Variants in NPEPPS observed in about 807,000 individuals in gnomAD.
NPEPPS encodes the protein aminopeptidase puromycin sensitive.
NPEPPS carries 14 observed loss-of-function variants against 115.5 expected under a neutral mutation model. That is an observed-to-expected ratio of 0.12 (90% CI 0.08 to 0.19). NPEPPS has a LOEUF of 0.19. Among genes scored for constraint, NPEPPS ranks in the 10% least tolerant of loss-of-function variants. The pLI is 1.00. For synonymous variants in NPEPPS, 285 were observed against 390.6 expected (o/e 0.73, Z 3.19); for missense variants, 523 against 1,110.8 (o/e 0.47, Z 7.52).
rs745384995 is a variant in NPEPPS, at chr17:47,619,101, G to C, written c.2496G>C (p.Lys832Asn). The C allele has an allele frequency of 1.2e-6, 2 of 1,613,868 alleles. No homozygotes were observed. The highest frequency in any genetic ancestry group is 1.7e-6 in the Non-Finnish European group (2 of 1,179,846). Reference sequence around the variant, plus strand: ...GGAAAGCTGCTTGGAAATTCATAAAGGACAACTGGGAAGAACTTTATAACC... The same window carrying C: ...GGAAAGCTGCTTGGAAATTCATAAACGACAACTGGGAAGAACTTTATAACC... ...HGRKAAWKFI[K>N]DNWEELYNRY... The change falls in exon 21 of 23, where the codon AAG (lysine) becomes AAC (asparagine). Residue 832 changes from lysine (K) to asparagine (N), a missense_variant. By Grantham distance (94) the Lys-to-Asn change is moderately conservative. Around this residue, in one of 4 missense-constraint regions of NPEPPS, gnomAD observed 372 missense variants for 542.6 expected, o/e 0.69. Coordinates refer to ENST00000322157, the MANE Select transcript of NPEPPS (RefSeq NM_006310.4).
chr17:47,580,244 T>C (rs1008353439), intron 4 of NPEPPS: 3 of 152,154 alleles, frequency 2.0e-5, no homozygotes, highest in African/African-American at 7.2e-5. Flanking sequence ...TTTTACCTGA[T>C]GTATCTTCTC....
chr17:47,596,178 ATTTAC>A, intron 12 of NPEPPS, 170 bp from the exon 13 acceptor site: 2 of 491,358 alleles, frequency 4.1e-6, no homozygotes, highest in Non-Finnish European at 7.4e-6. Flanking sequence ...TTATGATAGA[ATTTAC>A]TTAGTTGCAG....
At chr17:47,615,574 A>G (rs1914152489) in intron 19 of NPEPPS, among the ~76,000 whole-genome samples, 1 of 152,120 alleles carries the variant, frequency 6.6e-6, no homozygotes, top group Non-Finnish European at 1.5e-5. Context: ...ACCCTAAAAA[A>G]AGTTAAATTT....
At chr17:47,558,199 C>T (rs1173599870) in intron 2 of NPEPPS, among the ~76,000 whole-genome samples, 1 of 151,854 alleles carries the variant, frequency 6.6e-6, no homozygotes, top group Non-Finnish European at 1.5e-5. Flanking sequence ...GTGATCTCGG[C>T]TCACTGCAAC....
chr17:47,593,473 T>G (rs1175488914), intron 12 of NPEPPS, among the ~76,000 whole-genome samples: 4 of 151,844 alleles, frequency 2.6e-5, no homozygotes, highest in Non-Finnish European at 5.9e-5. Flanking sequence ...GTGGGAAGGG[T>G]CACTTGAGCC....
At chr17:47,607,447 G>A (rs1913583507) in intron 17 of NPEPPS, among the ~76,000 whole-genome samples, 1 of 152,192 alleles carries the variant, frequency 6.6e-6, no homozygotes, top group African/African-American at 2.4e-5. Context: ...GAATGAGTGG[G>A]AGAGGGCAAT....
chr17:47,571,490 G>A (rs1567852347), intron 3 of NPEPPS, among the ~76,000 whole-genome samples: 1 of 152,122 alleles, frequency 6.6e-6, no homozygotes, highest in South Asian at 2.1e-4. Context: ...AGGCCGAGGC[G>A]GGTGGATCAC....
chr17:47,535,877 C>T lies in NPEPPS; in HGVS notation c.255+4322C>T, dbSNP rs1343227195. 1.4e-5 allele frequency among the ~76,000 whole-genome samples: 2 copies of T among 146,536 alleles called. 1 individual carries two copies. The highest frequency in any genetic ancestry group is 5.1e-5 in the African/African-American group (2 of 39,292). The stretch of plus-strand genomic sequence containing the variant: ...TTTGAGATGGAGTCTTGCTCTGCCA[C>T]CCAGGCTGGAGTGCAGTGGCGGGAT... On this transcript the variant is annotated intron_variant, in intron 1 of 22. Coordinates refer to ENST00000322157, the MANE Select transcript of NPEPPS (RefSeq NM_006310.4).
intron 3 of NPEPPS, among the ~76,000 whole-genome samples, chr17:47,574,622 T>C (rs1911394509): frequency 6.6e-6 from 1 of 152,094 alleles, no homozygotes; most frequent in African/African-American, 2.4e-5. Flanking sequence ...TGACAAAGTC[T>C]CTCTGTCACC....
intron 1 of NPEPPS, among the ~76,000 whole-genome samples, chr17:47,536,505 T>A (rs1908288507): frequency 6.7e-6 from 1 of 148,876 alleles, no homozygotes; most frequent in African/African-American, 2.5e-5. Context: ...GCAATTCTCC[T>A]GCCTTAGCCT....
rs572115219 is a variant in NPEPPS, at chr17:47,536,704, C to CTTTT, written c.255+5170_255+5173dup. Among the ~76,000 whole-genome samples, 253 of 76,782 alleles carry CTTTT rather than the reference C, an allele frequency of 3.3e-3. 1 individual carries two copies. Among genetic ancestry groups the CTTTT allele is most frequent in the Non-Finnish European group, 4.3e-3 (188 of 43,684 alleles). 50.4% of individuals were successfully genotyped at this position (76,782 alleles called of 152,430 possible). On this transcript the variant is annotated intron_variant, in intron 1 of 22. Transcript: ENST00000322157. ...GCCACCGAGCCACCGTGCCTGGCTT[C>CTTTT]TTTTTTTTTTTTTTTTTTTTTTTTG...
intron 13 of NPEPPS, 25 bp from the exon 14 acceptor site, chr17:47,599,651 T>C: frequency 6.4e-7 from 1 of 1,551,136 alleles, no homozygotes; most frequent in Non-Finnish European, 8.7e-7. Flanking sequence ...TCAGTACTAT[T>C]ATAGCCTTTG....
chr17:47,564,518 G>T (rs1910666606), intron 2 of NPEPPS, among the ~76,000 whole-genome samples: 3 of 151,814 alleles, frequency 2.0e-5, no homozygotes, highest in Non-Finnish European at 4.4e-5. Context: ...AAGTTGTATT[G>T]ATACATGATA....
At chr17:47,584,513 T>A (rs1237772000) in intron 5 of NPEPPS, among the ~76,000 whole-genome samples, 3 of 152,176 alleles carry the variant, frequency 2.0e-5, no homozygotes, top group Non-Finnish European at 4.4e-5. Flanking sequence ...GAGCATCCCA[T>A]AAATAGAATG....
intron 10 of NPEPPS, chr17:47,591,713 T>C (rs1396480334): frequency 5.3e-6 from 2 of 380,462 alleles, no homozygotes; most frequent in Non-Finnish European, 9.5e-6. Flanking sequence ...CATAGTGGCT[T>C]CTTTCCCAGC....
At chr17:47,621,285 A>G (rs920888754) in intron 22 of NPEPPS, among the ~76,000 whole-genome samples, 1 of 152,146 alleles carries the variant, frequency 6.6e-6, no homozygotes, top group African/African-American at 2.4e-5. Flanking sequence ...TCTTTATTTG[A>G]AGCAGCCAAA....
At chr17:47,600,788 G>C (rs1292950362) in intron 14 of NPEPPS, among the ~76,000 whole-genome samples, 1 of 152,088 alleles carries the variant, frequency 6.6e-6, no homozygotes, top group African/African-American at 2.4e-5. Context: ...AAAAGCTTTG[G>C]CTTGTAGATA....
At chr17:47,602,190 C>T (rs1466228872) in intron 15 of NPEPPS, among the ~76,000 whole-genome samples, 5 of 152,114 alleles carry the variant, frequency 3.3e-5, no homozygotes, top group Admixed American at 6.5e-5. Context: ...AAAACCATTT[C>T]ACAAAAATAC....
chr17:47,592,333 A>G (rs1241215383), intron 11 of NPEPPS, among the ~76,000 whole-genome samples, 152 bp from the exon 12 acceptor site: 5 of 152,196 alleles, frequency 3.3e-5, no homozygotes, highest in Non-Finnish European at 5.9e-5. Flanking sequence ...GCATTATTAA[A>G]TAAAAGGCAG....
Sources: gnomAD v4.1 joint callset for allele counts (sites outside exome capture counted in the v4.1 genomes callset) on GRCh38, gnomAD v4.1.1 for gene constraint, gnomAD v4.1.1 regional missense constraint, MANE v1.5 for transcripts, NCBI Gene and HGNC (gene_info 2026-07-23, HGNC 2026-07-21) for gene names.